Variants in PDE3A observed in about 807,000 individuals in gnomAD.
PDE3A encodes cGMP-inhibited 3',5'-cyclic phosphodiesterase 3A.
Under a neutral mutation model 98.3 loss-of-function variants are expected in PDE3A, and 43 were observed. The ratio of observed to expected loss-of-function variants is 0.44; its 90% CI spans 0.34 to 0.56. The LOEUF (loss-of-function observed/expected upper bound fraction) is 0.56, where lower values mean the gene tolerates loss of function less well. Among genes scored for constraint, PDE3A ranks in the 20% least tolerant of loss-of-function variants. The pLI is 0.01. For synonymous variants in PDE3A, 663 were observed against 567.9 expected, an observed-to-expected ratio of 1.17 and a Z score of -2.38; for missense variants, 1,427 against 1,440.7, an observed-to-expected ratio of 0.99 and a Z score of 0.15.
intron 1 of PDE3A, among the ~76,000 whole-genome samples, chr12:20,474,985 G>A (rs908129696): frequency 1.3e-5 from 2 of 151,938 alleles, no homozygotes; most frequent in Non-Finnish European, 2.9e-5. Context: ...TGGTGGAGAT[G>A]GTAGTGAGAC....
chr12:20,464,368 G>C (rs1295131156), intron 1 of PDE3A, among the ~76,000 whole-genome samples: 1 of 152,050 alleles, frequency 6.6e-6, no homozygotes, highest in Non-Finnish European at 1.5e-5. Context: ...CACTTAACAA[G>C]GTTCACTGTC....
At chr12:20,421,048 G>A (rs961172674) in intron 1 of PDE3A, among the ~76,000 whole-genome samples, 1 of 152,072 alleles carries the variant, frequency 6.6e-6, no homozygotes, top group Non-Finnish European at 1.5e-5. Context: ...AACAAAGTTT[G>A]GTGGGGATAA....
intron 1 of PDE3A, among the ~76,000 whole-genome samples, chr12:20,510,297 T>C (rs1946197036): frequency 6.6e-6 from 1 of 152,100 alleles, no homozygotes; most frequent in South Asian, 2.1e-4. Flanking sequence ...AATTGAATAA[T>C]GTATATTCTT....
At chr12:20,572,116 A>T (rs950784032) in intron 2 of PDE3A, 3 of 1,276,124 alleles carry the variant, frequency 2.4e-6, no homozygotes, top group Non-Finnish European at 3.1e-6. Context: ...ACATCTCATT[A>T]CTGATTATAC....
rs571957868 is a variant in PDE3A, at chr12:20,425,835, G to A, written c.960+55591G>A. ...TATGATGATTATGAGCCTCAATTCT[G>A]GAATGAGACTAACCTGGTTTTAAAT... On this transcript the variant is annotated intron_variant, in intron 1 of 15. Transcript: ENST00000359062. Among the ~76,000 whole-genome samples the A allele has an allele frequency of 9.9e-5, 15 of 152,244 alleles. No homozygotes were observed. In the South Asian group the frequency reaches 3.1e-3, roughly 32 times the overall value.
At chr12:20,613,723 T>A in intron 3 of PDE3A, 23 bp downstream of exon 3, 2 of 1,594,710 alleles carry the variant, frequency 1.3e-6, no homozygotes, top group Non-Finnish European at 1.7e-6. Flanking sequence ...GACATACCCC[T>A]TAAAGGGTTA....
At chr12:20,647,591 G>T (rs1195715562) in intron 12 of PDE3A, among the ~76,000 whole-genome samples, 1 of 151,946 alleles carries the variant, frequency 6.6e-6, no homozygotes, top group Non-Finnish European at 1.5e-5. Flanking sequence ...AACCCAAGTT[G>T]CTAAACATTC....
chr12:20,552,690 C>G lies in PDE3A; in HGVS notation c.961-3970C>G, dbSNP rs539110986. 1.2e-6 allele frequency: 2 copies of G among 1,613,886 alleles called. No homozygotes were observed. Among genetic ancestry groups the G allele is most frequent in the Non-Finnish European group, 1.7e-6 (2 of 1,179,894 alleles). ...AGCAGAGCAGCCTCATCAGAGAGGA[C>G]AAGAGCAACGCCAAGCTGTGGAATG... On this transcript the variant is annotated intron_variant, in intron 1 of 15. Coordinates refer to ENST00000359062, the MANE Select transcript of PDE3A (RefSeq NM_000921.5). The surrounding 1 kb of genome is among the most constrained non-coding windows in gnomAD (Gnocchi z 5.1).
intron 1 of PDE3A, among the ~76,000 whole-genome samples, chr12:20,440,528 C>T (rs567324458): frequency 6.6e-6 from 1 of 152,084 alleles, no homozygotes; most frequent in African/African-American, 2.4e-5. Flanking sequence ...GGGCCAAGTG[C>T]AATTCTATTC....
chr12:20,683,738 G>T lies in PDE3A; in HGVS notation c.*3467G>T, dbSNP rs1473879045. 1 of 152,094 alleles carries T rather than the reference G, an allele frequency of 6.6e-6. No individual in the cohort carries two copies. Among genetic ancestry groups the T allele is most frequent in the Non-Finnish European group, 1.5e-5 (1 of 68,006 alleles). The allele number at this position is 152,094 out of a possible 1,614,324, so 9.4% of individuals were successfully genotyped here. ...ATATCTATATTAGTCTTCATCTGATGAATGAAGAAATTTTCTCATATTATG... is the reference window on the plus strand; with the variant it reads ...ATATCTATATTAGTCTTCATCTGATTAATGAAGAAATTTTCTCATATTATG... On this transcript the variant is annotated 3_prime_UTR_variant, in exon 16 of 16. Transcript: ENST00000359062.
chr12:20,662,744 G>T (rs887429559), intron 15 of PDE3A, among the ~76,000 whole-genome samples: 1 of 152,178 alleles, frequency 6.6e-6, no homozygotes, highest in East Asian at 1.9e-4. Context: ...GAGGGAAGCT[G>T]AGCATAAAAA....
rs1335924889 is a variant in PDE3A, at chr12:20,482,508, A to G, written c.961-74152A>G. Among the ~76,000 whole-genome samples the G allele has an allele frequency of 4.6e-5, 7 of 152,334 alleles. No individual in the cohort carries two copies. The East Asian group carries it at 1.4e-3, about 29-fold the overall frequency. ...GGCACACAAAGTTGAACAGTGCAAA[A>G]CATTGAAGCCCAGCTATACATAATC... On this transcript the variant is annotated intron_variant, in intron 1 of 15. Transcript: ENST00000359062.
intron 2 of PDE3A, among the ~76,000 whole-genome samples, chr12:20,612,263 T>TATA (rs1446343035): frequency 9.7e-4 from 124 of 128,420 alleles, no homozygotes; most frequent in Admixed American, 1.7e-3. Context: ...ATATATATAT[T>TATA]GGTTATTTAC....
At chr12:20,564,289 C>T (rs1411674301) in intron 2 of PDE3A, among the ~76,000 whole-genome samples, 3 of 152,014 alleles carry the variant, frequency 2.0e-5, no homozygotes, top group Non-Finnish European at 2.9e-5. Context: ...AGATGAAAAC[C>T]ACTGAAATTA....
In PDE3A at chr12:20,680,179, T is replaced by C; in HGVS notation, c.3334T>C (p.Ser1112Pro). 1 of 1,613,824 alleles carries C rather than the reference T, an allele frequency of 6.2e-7. No individual in the cohort carries two copies. The highest frequency in any genetic ancestry group is 1.3e-5 in the African/African-American group (1 of 75,008). The change falls in exon 16 of 16, where the codon TCT (serine) becomes CCT (proline). Residue 1112 changes from serine to proline, a missense_variant. Ser to Pro is a moderately conservative substitution (Grantham distance 74). Transcript: ENST00000359062. ...QSLDQTPQSH[S>P]SEQIQAIKEE... ...CCTGGACCAGACCCCTCAGTCGCAC[T>C]CTTCAGAACAGATCCAGGCTATCAA...
chr12:20,432,505 T>A, intron 1 of PDE3A, among the ~76,000 whole-genome samples: 1 of 152,178 alleles, frequency 6.6e-6, no homozygotes, highest in Non-Finnish European at 1.5e-5. Flanking sequence ...TGGATAGGTT[T>A]ATGGCACAGA....
At chr12:20,575,743 G>A (rs1942913492) in intron 2 of PDE3A, among the ~76,000 whole-genome samples, 1 of 151,810 alleles carries the variant, frequency 6.6e-6, no homozygotes, top group Non-Finnish European at 1.5e-5. Flanking sequence ...TCACTGAGAA[G>A]CTGTTCTTTC....
intron 2 of PDE3A, among the ~76,000 whole-genome samples, chr12:20,571,312 C>A (rs1448198616): frequency 6.6e-6 from 1 of 152,086 alleles, no homozygotes; most frequent in African/African-American, 2.4e-5. Flanking sequence ...GACAGGGAAA[C>A]AGCATTGAGG....
intron 1 of PDE3A, among the ~76,000 whole-genome samples, chr12:20,383,597 G>C (rs755506388): frequency 2.0e-4 from 31 of 151,934 alleles, no homozygotes; most frequent in Non-Finnish European, 3.2e-4. Context: ...CTAGTCTGAG[G>C]TAGTTATTTT....
Sources: allele counts gnomAD v4.1 joint callset (sites outside exome capture counted in the v4.1 genomes callset), GRCh38; gene constraint gnomAD v4.1.1; non-coding constraint Gnocchi (gnomAD v3.1); transcripts MANE v1.5; gene names NCBI Gene and HGNC (gene_info 2026-07-23, HGNC 2026-07-21).